Variants in SDK1 observed in about 807,000 individuals in gnomAD.
The protein encoded by SDK1 is sidekick cell adhesion molecule 1, also known as protein sidekick-1.
Under a neutral mutation model 245.5 loss-of-function variants are expected in SDK1, and 157 were observed. The ratio of observed to expected loss-of-function variants is 0.64; its 90% CI spans 0.56 to 0.73. The LOEUF (loss-of-function observed/expected upper bound fraction) is 0.73, where lower values mean the gene tolerates loss of function less well. Ranked by LOEUF, SDK1 falls within the 30% of genes least tolerant of loss-of-function variation. SDK1 has a pLI of 0.00. For synonymous variants in SDK1, 1,647 were observed against 1,278.5 expected, an observed-to-expected ratio of 1.29 and a Z score of -6.15; for missense variants, 3,583 against 3,002.3, an observed-to-expected ratio of 1.19 and a Z score of -4.52.
In SDK1 at chr7:4,000,395, C is replaced by T. The variant is rs148551498; in HGVS notation, c.2132-10571C>T. ...CGGCTTGGTTTTGTCAGCTGCTGGG[C>T]CAAGACTAGCTTTTGGAGCACGTTC... On this transcript the variant is annotated intron_variant, in intron 14 of 44. Transcript: ENST00000404826. 5.6e-3 allele frequency among the ~76,000 whole-genome samples: 850 copies of T among 152,274 alleles called. 10 individuals carry two copies. The highest frequency in any genetic ancestry group is 0.019 in the African/African-American group (785 of 41,562).
At chr7:3,511,739 G>A (rs1163426246) in intron 1 of SDK1, among the ~76,000 whole-genome samples, 1 of 151,760 alleles carries the variant, frequency 6.6e-6, no homozygotes, top group Middle Eastern at 3.4e-3. Context: ...CAAAAAATAA[G>A]CATACAAAAT....
intron 44 of SDK1, among the ~76,000 whole-genome samples, chr7:4,254,858 T>G (rs535118708): frequency 4.6e-5 from 7 of 152,310 alleles, no homozygotes; most frequent in Non-Finnish European, 8.8e-5. Context: ...GGGCAATGCA[T>G]AGAGTCTTGC....
At chr7:3,780,352 G>A (rs1009122004) in intron 4 of SDK1, among the ~76,000 whole-genome samples, 1 of 152,180 alleles carries the variant, frequency 6.6e-6, no homozygotes, top group Non-Finnish European at 1.5e-5. Flanking sequence ...GGAAACACTA[G>A]GAGAAACAGC....
At chr7:3,871,968 G>C (rs1246835478) in intron 5 of SDK1, among the ~76,000 whole-genome samples, 1 of 152,176 alleles carries the variant, frequency 6.6e-6, no homozygotes, top group African/African-American at 2.4e-5. Context: ...ATTTGGTTAA[G>C]GAAGTTCCCT....
chr7:3,427,973 G>C (rs1355800481), intron 1 of SDK1, among the ~76,000 whole-genome samples: 1 of 152,166 alleles, frequency 6.6e-6, no homozygotes, highest in East Asian at 1.9e-4. Flanking sequence ...GTTTGATTCA[G>C]ATTTCACTTT....
chr7:3,469,314 C>G (rs1781111540), intron 1 of SDK1, among the ~76,000 whole-genome samples: 1 of 152,046 alleles, frequency 6.6e-6, no homozygotes, highest in Non-Finnish European at 1.5e-5. Flanking sequence ...ACTTGTCGTC[C>G]CAGATACTTG....
chr7:3,767,681 G>GGT lies in SDK1; in HGVS notation c.714-53768_714-53767dup, dbSNP rs1327816883. On this transcript the variant is annotated intron_variant, in intron 4 of 44. Transcript: ENST00000404826. ...AAGAAACAGAAGCACTGAGACATGA[G>GGT]GTAATGTAGTTAGGAGGGGAAAATA... Among the ~76,000 whole-genome samples, 7 of 152,168 alleles carry GGT rather than the reference G, an allele frequency of 4.6e-5. No homozygotes were observed. In the South Asian group the frequency reaches 6.2e-4, roughly 14 times the overall value.
intron 17 of SDK1, among the ~76,000 whole-genome samples, chr7:4,038,004 G>A (rs776847016): frequency 3.3e-5 from 5 of 152,284 alleles, no homozygotes; most frequent in Middle Eastern, 3.4e-3. Context: ...CTGCCACCCA[G>A]GTCGGTTCTT....
intron 12 of SDK1, 131 bp from the exon 13 acceptor site, chr7:3,974,238 A>G: frequency 1.5e-6 from 1 of 662,702 alleles, no homozygotes; most frequent in Non-Finnish European, 2.5e-6. Flanking sequence ...ACTCTTTTAA[A>G]GAGCACAGTT....
At chr7:4,210,561 A>G (rs1335688955) in intron 38 of SDK1, among the ~76,000 whole-genome samples, 5 of 152,134 alleles carry the variant, frequency 3.3e-5, no homozygotes, top group African/African-American at 1.2e-4. Context: ...CTCACAACAC[A>G]GGCCTTCGGC....
chr7:3,551,191 G>T (rs1378968112), intron 1 of SDK1, among the ~76,000 whole-genome samples: 1 of 152,038 alleles, frequency 6.6e-6, no homozygotes, highest in Non-Finnish European at 1.5e-5. Flanking sequence ...CGGGGGTGGG[G>T]GGCCCAACAT....
chr7:3,468,363 C>T (rs1781075807), intron 1 of SDK1, among the ~76,000 whole-genome samples: 3 of 152,136 alleles, frequency 2.0e-5, no homozygotes, highest in Admixed American at 6.5e-5. Context: ...GCCTTAGAAG[C>T]AAGGCTTTCT....
At chr7:4,208,380 G>A (rs1349158323) in intron 37 of SDK1, 95 bp downstream of exon 37, 18 of 1,177,070 alleles carry the variant, frequency 1.5e-5, no homozygotes, top group East Asian at 9.9e-5. Context: ...TTCCCGGCCC[G>A]CCCAGGCGGA....
chr7:3,757,244 G>A (rs944242070), intron 4 of SDK1, among the ~76,000 whole-genome samples: 1 of 152,066 alleles, frequency 6.6e-6, no homozygotes, highest in African/African-American at 2.4e-5. Context: ...TAACTCACTA[G>A]AACAGCTCAC....
intron 1 of SDK1, among the ~76,000 whole-genome samples, chr7:3,521,262 A>G (rs937698259): frequency 9.2e-5 from 14 of 152,156 alleles, no homozygotes; most frequent in African/African-American, 3.4e-4. Context: ...CTGCTTTAAG[A>G]GATCATGTGA....
chr7:3,557,776 G>C (rs1779634153), intron 1 of SDK1, among the ~76,000 whole-genome samples: 1 of 152,104 alleles, frequency 6.6e-6, no homozygotes, highest in Non-Finnish European at 1.5e-5. Flanking sequence ...ATTAAAAAAA[G>C]CTAGCAGCTT....
At position 3,441,401 on chromosome 7, in the gene SDK1, CAAAA is replaced by C. The variant is rs901794821; in HGVS notation, c.298+139523_298+139526del. On this transcript the variant is annotated intron_variant, in intron 1 of 44. Coordinates refer to ENST00000404826, the MANE Select transcript of SDK1 (RefSeq NM_152744.4). ...AAATCTCAAAAAAACAAAAAACAAACAAAAAAAAACCAAAATCTCTTTTTGTGTG... is the reference window on the plus strand; with the variant it reads ...AAATCTCAAAAAAACAAAAAACAAACAAAAACCAAAATCTCTTTTTGTGTG... Among the ~76,000 whole-genome samples the C allele has an allele frequency of 1.3e-5, 2 of 150,534 alleles. 1 individual carries two copies. The highest frequency in any genetic ancestry group is 4.9e-5 in the African/African-American group (2 of 41,042).
rs893997903 is a variant in SDK1, at chr7:4,010,829, A to G, written c.2132-137A>G. 4.5e-5 allele frequency: 40 copies of G among 879,498 alleles called. No individual in the cohort carries two copies. The Middle Eastern group carries it at 3.2e-3, about 70-fold the overall frequency. 54.5% of individuals were successfully genotyped at this position (879,498 alleles called of 1,614,324 possible). ...GAGCCTCAGTTTCCACACCTGCTAAATGGGATAAGCTTTCCTTCTCCTAGA... is the reference window on the plus strand; with the variant it reads ...GAGCCTCAGTTTCCACACCTGCTAAGTGGGATAAGCTTTCCTTCTCCTAGA... On this transcript the variant is annotated intron_variant, in intron 14 of 44. Coordinates refer to ENST00000404826, the MANE Select transcript of SDK1 (RefSeq NM_152744.4).
chr7:4,017,894 C>T (rs554545072), intron 17 of SDK1, among the ~76,000 whole-genome samples: 3 of 152,294 alleles, frequency 2.0e-5, no homozygotes, highest in South Asian at 2.1e-4. Flanking sequence ...CAGACATAAA[C>T]GTCATGAAGC....
Sources: gnomAD v4.1 joint callset for allele counts (sites outside exome capture counted in the v4.1 genomes callset) on GRCh38, gnomAD v4.1.1 for gene constraint, MANE v1.5 for transcripts, NCBI Gene and HGNC (gene_info 2026-07-23, HGNC 2026-07-21) for gene names.